ROBO1: variants seen among roughly 807,000 people sequenced by gnomAD.
ROBO1 encodes the protein roundabout guidance receptor 1.
Under a neutral mutation model 195.9 loss-of-function variants are expected in ROBO1, and 149 were observed. The ratio of observed to expected loss-of-function variants is 0.76; its 90% confidence interval spans 0.67 to 0.87. The LOEUF (loss-of-function observed/expected upper bound fraction) is 0.87, where lower values mean the gene tolerates loss of function less well. Among genes scored for constraint, ROBO1 ranks in the 40% least tolerant of loss-of-function variants. ROBO1 has a pLI of 0.00. For synonymous variants in ROBO1, 816 were observed against 733.2 expected, an observed-to-expected ratio of 1.11 and a Z score of -1.82; for missense variants, 1,933 against 2,068.3, an observed-to-expected ratio of 0.93 and a Z score of 1.27.
chr3:79,729,274 G>A (rs1432753938), intron 1 of ROBO1, among the ~76,000 whole-genome samples: 1 of 152,154 alleles, frequency 6.6e-6, no homozygotes, highest in Admixed American at 6.5e-5. Flanking sequence ...AATTCTCACA[G>A]CACGACTTGG....
At chr3:79,518,869 G>A (rs1368713600) in intron 2 of ROBO1, among the ~76,000 whole-genome samples, 2 of 151,082 alleles carry the variant, frequency 1.3e-5, no homozygotes, top group South Asian at 2.1e-4. Flanking sequence ...TAGTAGAGAC[G>A]GGGTTTCACC....
At chr3:79,208,121 C>T (rs2081905327) in intron 2 of ROBO1, among the ~76,000 whole-genome samples, 1 of 152,066 alleles carries the variant, frequency 6.6e-6, no homozygotes, top group Non-Finnish European at 1.5e-5. Context: ...TATGGTTATC[C>T]ATGATATTTA....
intron 3 of ROBO1, among the ~76,000 whole-genome samples, chr3:78,982,299 C>T (rs542245231): frequency 6.6e-6 from 1 of 152,258 alleles, no homozygotes; most frequent in South Asian, 2.1e-4. Flanking sequence ...AATCACTCTC[C>T]TATGATTTTC....
chr3:79,528,999 A>T (rs958369762), intron 2 of ROBO1, among the ~76,000 whole-genome samples: 2 of 152,214 alleles, frequency 1.3e-5, no homozygotes, highest in Non-Finnish European at 2.9e-5. Context: ...TTTTTACAGC[A>T]TGTACTTGAA....
chr3:79,018,401 G>C lies in ROBO1; in HGVS notation c.173-79474C>G, dbSNP rs549594514. The C allele has an allele frequency of 9.9e-6, 16 of 1,613,810 alleles. No individual in the cohort carries two copies. The South Asian group carries it at 1.5e-4, about 16-fold the overall frequency. On this transcript the variant is annotated intron_variant, in intron 3 of 30. Coordinates refer to ENST00000464233, the MANE Select transcript of ROBO1 (RefSeq NM_002941.4). ...TCAAGGGTGAAGAAAGAAGACGCGGGGTTACCTGAACAGAGACATATTAAT... is the reference window on the plus strand; with the variant it reads ...TCAAGGGTGAAGAAAGAAGACGCGGCGTTACCTGAACAGAGACATATTAAT...
chr3:79,238,558 C>G (rs1274209026), intron 2 of ROBO1, among the ~76,000 whole-genome samples: 3 of 152,140 alleles, frequency 2.0e-5, no homozygotes, highest in Admixed American at 6.5e-5. Flanking sequence ...TTCCACTTCC[C>G]TCATTTATAA....
intron 4 of ROBO1, among the ~76,000 whole-genome samples, chr3:78,932,054 C>T (rs1180024565): frequency 6.6e-6 from 1 of 152,098 alleles, no homozygotes; most frequent in Non-Finnish European, 1.5e-5. Flanking sequence ...ATTAATTATA[C>T]TAAGGTTTAA....
At chr3:79,510,620 A>G (rs990507535) in intron 2 of ROBO1, among the ~76,000 whole-genome samples, 1 of 150,700 alleles carries the variant, frequency 6.6e-6, no homozygotes, top group Non-Finnish European at 1.5e-5. Flanking sequence ...TAGCCATCTC[A>G]TAAAATGTTG....
intron 1 of ROBO1, among the ~76,000 whole-genome samples, chr3:79,617,876 T>G (rs1944876234): frequency 1.1e-5 from 1 of 89,634 alleles, no homozygotes; most frequent in Admixed American, 9.6e-5. Flanking sequence ...AGAAATCAGA[T>G]AAACAATTCA....
At chr3:78,892,039 T>C (rs2036930245) in intron 4 of ROBO1, among the ~76,000 whole-genome samples, 1 of 152,198 alleles carries the variant, frequency 6.6e-6, no homozygotes, top group African/African-American at 2.4e-5. Context: ...CAATAGTCAT[T>C]GGATTAGATA....
intron 11 of ROBO1, 52 bp from the exon 12 acceptor site, chr3:78,668,617 G>T: frequency 6.4e-7 from 1 of 1,552,652 alleles, no homozygotes; most frequent in Non-Finnish European, 8.9e-7. Flanking sequence ...AACTCACTGG[G>T]CTGGAAAAGC....
intron 2 of ROBO1, among the ~76,000 whole-genome samples, chr3:79,272,511 A>T (rs899055602): frequency 1.6e-4 from 24 of 152,048 alleles, no homozygotes; most frequent in Admixed American, 1.6e-3. Flanking sequence ...AGAGGCACTG[A>T]AGAGGGTAGA....
intron 3 of ROBO1, among the ~76,000 whole-genome samples, chr3:78,947,053 G>C (rs908312943): frequency 6.6e-6 from 1 of 152,136 alleles, no homozygotes; most frequent in African/African-American, 2.4e-5. Context: ...AAGAGACTTA[G>C]ACTCCCACAC....
chr3:79,158,908 A>G (rs561347743), intron 2 of ROBO1, among the ~76,000 whole-genome samples: 4 of 152,096 alleles, frequency 2.6e-5, no homozygotes, highest in Middle Eastern at 3.4e-3. Flanking sequence ...CATTTAAAAC[A>G]AATTTATACA....
At chr3:79,333,588 A>G (rs528230087) in intron 2 of ROBO1, among the ~76,000 whole-genome samples, 1 of 152,094 alleles carries the variant, frequency 6.6e-6, no homozygotes, top group Admixed American at 6.6e-5. Context: ...CCCCACTCCA[A>G]CCTCACTTAG....
In ROBO1 at chr3:78,962,810, T is replaced by C. The variant is rs370308960; in HGVS notation, c.173-23883A>G. On this transcript the variant is annotated intron_variant, in intron 3 of 30. Transcript: ENST00000464233. ...CTGCACTTCAGCCTGGGCGACAGAG[T>C]GAGACTCCATCTCAAAAAAAAAAAA... Among the ~76,000 whole-genome samples, 164 of 113,818 alleles carry C rather than the reference T, an allele frequency of 1.4e-3. 3 individuals are homozygous for C. Among genetic ancestry groups the C allele is most frequent in the Admixed American group, 5.0e-3 (38 of 7,532 alleles). The allele number at this position is 113,818 out of a possible 152,430, so 74.7% of individuals were successfully genotyped here. A position where few individuals can be genotyped will look rare whatever the true frequency, so the allele number is the denominator to read the frequency against.
At chr3:79,381,590 T>C (rs1264407330) in intron 2 of ROBO1, among the ~76,000 whole-genome samples, 1 of 151,948 alleles carries the variant, frequency 6.6e-6, no homozygotes, top group Non-Finnish European at 1.5e-5. Context: ...CTATATGAGT[T>C]TTGTTTTATA....
intron 2 of ROBO1, among the ~76,000 whole-genome samples, chr3:79,378,961 A>C (rs1156580093): frequency 1.3e-5 from 2 of 152,232 alleles, no homozygotes; most frequent in Non-Finnish European, 2.9e-5. Context: ...TAGTGCCTTT[A>C]CTAACTAACG....
At chr3:79,647,615 C>T (rs62259368) in intron 1 of ROBO1, among the ~76,000 whole-genome samples, 41,358 of 151,772 alleles carry the variant, frequency 0.27, 6,662 homozygotes, top group African/African-American at 0.45. Context: ...TGCTAAACTT[C>T]CTACTAAGCA....
Sources: allele counts gnomAD v4.1 joint callset (sites outside exome capture counted in the v4.1 genomes callset), GRCh38; gene constraint gnomAD v4.1.1; transcripts MANE v1.5; gene names NCBI Gene and HGNC (gene_info 2026-07-23, HGNC 2026-07-21).